The following PEX26 variants were observed in gnomAD, a reference collection of about 807,000 sequenced individuals.
PEX26 encodes peroxisome assembly protein 26.
PEX26 carries 18 observed loss-of-function variants against 31.4 expected under a neutral mutation model. That is an observed-to-expected ratio of 0.57 (90% CI 0.40 to 0.85). The LOEUF (loss-of-function observed/expected upper bound fraction) is 0.85, where lower values mean the gene tolerates loss of function less well. PEX26 is among the 40% of genes least tolerant of loss of function. PEX26 has a pLI of 0.00. For synonymous variants in PEX26, 176 were observed against 166.9 expected, an observed-to-expected ratio of 1.05 and a Z score of -0.42; for missense variants, 377 against 383.9, an observed-to-expected ratio of 0.98 and a Z score of 0.15.
chr22:18,078,964 C>T, intron 1 of PEX26: 1 of 406,102 alleles, frequency 2.5e-6, no homozygotes, highest in East Asian at 6.1e-5. Context: ...GTTGTTTATT[C>T]CTGACCTTGG....
At chr22:18,082,076 T>C (rs79973532) in intron 2 of PEX26, among the ~76,000 whole-genome samples, 45 of 145,108 alleles carry the variant, frequency 3.1e-4, no homozygotes, top group Admixed American at 4.1e-4. Context: ...TTTTTTTTTT[T>C]TTCTGCTGTT....
In PEX26 at chr22:18,078,166, T is replaced by C. The variant is rs754430927; in HGVS notation, c.-211T>C. 4.3e-6 allele frequency: 3 copies of C among 695,662 alleles called. No homozygotes were observed. The South Asian group carries it at 4.5e-5, about 10-fold the overall frequency. The allele number at this position is 695,662 out of a possible 1,614,324, so 43.1% of individuals were successfully genotyped here. ...GCAAGAATCCTGCAAATCTGACGTG[T>C]AAACTGCTTCCCCAGCCTCCAGGCG... On this transcript the variant is annotated 5_prime_UTR_variant, in exon 1 of 5. The change abolishes the stop of an existing upstream ORF in the 5' untranslated region. Coordinates refer to ENST00000399744, the MANE Select transcript of PEX26 (RefSeq NM_001127649.3).
Position 18,093,258 on chromosome 22 carries a change from TTTAAA to T in PEX26, c.*5189_*5193del, listed in dbSNP as rs1163337850. On this transcript the variant is annotated 3_prime_UTR_variant, in exon 5 of 5. Transcript: ENST00000399744. ...TCATGTTCACTTCAACCCCATTTCA[TTTAAA>T]TTAAAGAAAAAAACCTGGCCGGGCG... 2.0e-5 allele frequency: 3 copies of T among 152,134 alleles called. No individual in the cohort carries two copies. The highest frequency in any genetic ancestry group is 4.4e-5 in the Non-Finnish European group (3 of 68,020). The allele number at this position is 152,134 out of a possible 1,614,324, so 9.4% of individuals were successfully genotyped here.
rs575021297 is a variant in PEX26, at chr22:18,103,047, C to T, written c.*14972C>T. On this transcript the variant is annotated 3_prime_UTR_variant, in exon 5 of 5. Transcript: ENST00000399744. ...TGGCAGTGAGCCGAGATCGTGCGAT[C>T]GTGCTATTGCACTCCAGCCTGGGCG... 1.5e-5 allele frequency: 2 copies of T among 134,592 alleles called. No homozygotes were observed. Among genetic ancestry groups the T allele is most frequent in the South Asian group, 2.4e-4 (1 of 4,148 alleles). The allele number at this position is 134,592 out of a possible 1,614,324, so 8.3% of individuals were successfully genotyped here. A position where few individuals can be genotyped will look rare whatever the true frequency, so the allele number is the denominator to read the frequency against.
rs1282811316 is a variant in PEX26 at position 18,078,271 on chromosome 22, A to T, written c.-106A>T. On this transcript the variant is annotated 5_prime_UTR_variant, in exon 1 of 5. The change abolishes an upstream ATG in the 5' untranslated region. Coordinates refer to ENST00000399744, the MANE Select transcript of PEX26 (RefSeq NM_001127649.3). ...CTCGGGAAGGGGTGTGGGCAAAGAG[A>T]TGAGGACTCTCCCTCTTCGCCCAGG... The T allele has an allele frequency of 4.9e-6, 4 of 817,252 alleles. No individual in the cohort carries two copies. The highest frequency in any genetic ancestry group is 8.2e-6 in the Non-Finnish European group (4 of 488,986). The allele number at this position is 817,252 out of a possible 1,614,324, so 50.6% of individuals were successfully genotyped here.
chr22:18,078,467 CG>C lies in PEX26; in HGVS notation c.94del (p.Ala32ArgfsTer50). Reference protein sequence around the residue: ...SSEPVRAVPARAPAVDLLEEA... With the variant: ...SSEPVRAVPAXAPAVDLLEEA... ...CGAGCCGGTGCGCGCGGTCCCGGCC[CG>C]GGCGCCGGCCGTGGACCTTCTGGAG... On this transcript the variant is annotated frameshift_variant, in exon 1 of 5. Coordinates refer to ENST00000399744, the MANE Select transcript of PEX26 (RefSeq NM_001127649.3). LOFTEE classifies it high-confidence loss of function. The C allele has an allele frequency of 1.3e-6, 2 of 1,575,360 alleles. No homozygotes were observed. Among genetic ancestry groups the C allele is most frequent in the Non-Finnish European group, 1.7e-6 (2 of 1,163,150 alleles).
In PEX26 at chr22:18,099,517, A is replaced by G; in HGVS notation, c.*11442A>G. The G allele has an allele frequency of 6.6e-6, 1 of 152,248 alleles. No homozygotes were observed. Among genetic ancestry groups the G allele is most frequent in the South Asian group, 2.1e-4 (1 of 4,834 alleles). 9.4% of individuals were successfully genotyped at this position (152,248 alleles called of 1,614,324 possible). On this transcript the variant is annotated 3_prime_UTR_variant, in exon 5 of 5. Transcript: ENST00000399744. ...ACATTCATATGTGCTTATTTTAAGC[A>G]TATATCTACCAATTTGAGTTTGGCA...
chr22:18,098,712 A>C lies in PEX26; in HGVS notation c.*10637A>C, dbSNP rs1032077190. On this transcript the variant is annotated 3_prime_UTR_variant, in exon 5 of 5. Transcript: ENST00000399744. ...TGTGTAAAATGAGTAAAAGTCTATA[A>C]GAAAAACTTTGAAAAGTATTAAGTA... 6.6e-6 allele frequency: 1 copy of C among 152,012 alleles called. No homozygotes were observed. The highest frequency in any genetic ancestry group is 1.5e-5 in the Non-Finnish European group (1 of 68,020). The allele number at this position is 152,012 out of a possible 1,614,324, so 9.4% of individuals were successfully genotyped here.
Position 18,104,392 on chromosome 22 carries a change from G to A in PEX26, c.*16317G>A, listed in dbSNP as rs1424062812. The A allele has an allele frequency of 6.6e-6, 1 of 152,116 alleles. No individual in the cohort carries two copies. The highest frequency in any genetic ancestry group is 2.4e-5 in the African/African-American group (1 of 41,358). The allele number at this position is 152,116 out of a possible 1,614,324, so 9.4% of individuals were successfully genotyped here. On this transcript the variant is annotated 3_prime_UTR_variant, in exon 5 of 5. Transcript: ENST00000399744. ...ATTTTTGTATTTTTAGTAGAGACGG[G>A]GTTTCTCCATGTTGGTCTGGCTGGT...
rs1927425133 is a variant in PEX26, at chr22:18,100,629, A to T, written c.*12554A>T. ...GGTACACATTGGGAATTGAACAGCT[A>T]TGTTTTTTCTTCTTTCTAGAGATGT... On this transcript the variant is annotated 3_prime_UTR_variant, in exon 5 of 5. Transcript: ENST00000399744. 6.6e-6 allele frequency: 1 copy of T among 152,182 alleles called. No homozygotes were observed. The highest frequency in any genetic ancestry group is 2.4e-5 in the African/African-American group (1 of 41,448). The allele number at this position is 152,182 out of a possible 1,614,324, so 9.4% of individuals were successfully genotyped here.
At chr22:18,084,721 CTCTT>C (rs1189316448) in intron 3 of PEX26, among the ~76,000 whole-genome samples, 2 of 150,854 alleles carry the variant, frequency 1.3e-5, no homozygotes, top group African/African-American at 4.9e-5. Flanking sequence ...TTTTACTAAA[CTCTT>C]TTTTTTTTTT....
chr22:18,086,539 C>T (rs778746825), intron 4 of PEX26, among the ~76,000 whole-genome samples: 7 of 152,114 alleles, frequency 4.6e-5, no homozygotes, highest in Admixed American at 6.6e-5. Flanking sequence ...TTTTCTGCCT[C>T]GCTGTGAAGA....
rs549812558 is a variant in PEX26, at chr22:18,100,985, A to T, written c.*12910A>T. On this transcript the variant is annotated 3_prime_UTR_variant, in exon 5 of 5. Coordinates refer to ENST00000399744, the MANE Select transcript of PEX26 (RefSeq NM_001127649.3). ...ATACAACAGGAATGAATGCCGACTTAGCATTTTTGCCTTCACAGCGCTGGC... is the reference window on the plus strand; with the variant it reads ...ATACAACAGGAATGAATGCCGACTTTGCATTTTTGCCTTCACAGCGCTGGC... 2.6e-5 allele frequency: 4 copies of T among 152,370 alleles called. No individual in the cohort carries two copies. The South Asian group carries it at 8.3e-4, about 32-fold the overall frequency. The allele number at this position is 152,370 out of a possible 1,614,324, so 9.4% of individuals were successfully genotyped here. A position where few individuals can be genotyped will look rare whatever the true frequency, so the allele number is the denominator to read the frequency against.
chr22:18,084,445 G>A (rs560247123), intron 3 of PEX26, among the ~76,000 whole-genome samples: 72 of 151,362 alleles, frequency 4.8e-4, no homozygotes, highest in South Asian at 4.2e-3. Context: ...GGGTTTCACC[G>A]TGTTAGCCAG....
In PEX26 at chr22:18,100,305, T is replaced by C. The variant is rs1283304129; in HGVS notation, c.*12230T>C. On this transcript the variant is annotated 3_prime_UTR_variant, in exon 5 of 5. Transcript: ENST00000399744. ...GGCCAGACTGGTCTCAAACTCCTGA[T>C]CTTGGGTGATCTGCCCTCCTCAGCC... 2 of 151,984 alleles carry C rather than the reference T, an allele frequency of 1.3e-5. No individual in the cohort carries two copies. Among genetic ancestry groups the C allele is most frequent in the Non-Finnish European group, 2.9e-5 (2 of 67,998 alleles). 9.4% of individuals were successfully genotyped at this position (151,984 alleles called of 1,614,324 possible). A position where few individuals can be genotyped will look rare whatever the true frequency, so the allele number is the denominator to read the frequency against.
chr22:18,078,120 A>C lies in PEX26; in HGVS notation c.-257A>C. Reference sequence around the variant, plus strand: ...CACGTGTCGCGGGGCCGGAGAAGCTAGGGCCAGGTATTCCAGGGATGCAAG... The same window carrying C: ...CACGTGTCGCGGGGCCGGAGAAGCTCGGGCCAGGTATTCCAGGGATGCAAG... On this transcript the variant is annotated 5_prime_UTR_variant, in exon 1 of 5. It removes the in-frame stop codon of an upstream open reading frame in the 5' UTR. Transcript: ENST00000399744. 3.1e-6 allele frequency: 2 copies of C among 639,302 alleles called. No individual in the cohort carries two copies. The highest frequency in any genetic ancestry group is 5.8e-6 in the Non-Finnish European group (2 of 345,066). 39.6% of individuals were successfully genotyped at this position (639,302 alleles called of 1,614,324 possible). A position where few individuals can be genotyped will look rare whatever the true frequency, so the allele number is the denominator to read the frequency against.
Position 18,100,651 on chromosome 22 carries a change from A to T in PEX26, c.*12576A>T, listed in dbSNP as rs1927425575. 6.6e-6 allele frequency: 1 copy of T among 152,218 alleles called. No homozygotes were observed. The highest frequency in any genetic ancestry group is 1.5e-5 in the Non-Finnish European group (1 of 68,042). 9.4% of individuals were successfully genotyped at this position (152,218 alleles called of 1,614,324 possible). On this transcript the variant is annotated 3_prime_UTR_variant, in exon 5 of 5. Transcript: ENST00000399744. The stretch of plus-strand genomic sequence containing the variant: ...GCTATGTTTTTTCTTCTTTCTAGAG[A>T]TGTGACATACATATTTTCTGGTCAG...
In PEX26 at chr22:18,088,103, C is replaced by A; in HGVS notation, c.*28C>A. 1 of 1,424,622 alleles carries A rather than the reference C, an allele frequency of 7.0e-7. No homozygotes were observed. The allele number at this position is 1,424,622 out of a possible 1,614,324, so 88.2% of individuals were successfully genotyped here. A position where few individuals can be genotyped will look rare whatever the true frequency, so the allele number is the denominator to read the frequency against. ...GTCCCTGCGCACCACAGCCTCTCTG[C>A]TCCTCACGTCCGTGGCCACAGAAGC... On this transcript the variant is annotated 3_prime_UTR_variant, in exon 5 of 5. Coordinates refer to ENST00000399744, the MANE Select transcript of PEX26 (RefSeq NM_001127649.3). This position sits in a 1 kb window ranked among gnomAD's most constrained non-coding sequence, Gnocchi z 4.1.
Position 18,083,652 on chromosome 22 carries a change from T to A in PEX26, c.587T>A (p.Leu196His), listed in dbSNP as rs1926714377. The A allele has an allele frequency of 6.2e-7, 1 of 1,614,008 alleles. No homozygotes were observed. The highest frequency in any genetic ancestry group is 1.3e-5 in the African/African-American group (1 of 74,902). ...GGTGAGGAGCGGCGACTGGATGTAC[T>A]TCAGGCCATTCACACAGCGAGGCAG... ...AFGEERRLDV[L>H]QAIHTARQQQ... The change falls in exon 3 of 5, where the codon CTT becomes CAT. Residue 196 changes from leucine to histidine, a missense_variant. Transcript: ENST00000399744.
Sources: gnomAD v4.1 joint callset for allele counts (sites outside exome capture counted in the v4.1 genomes callset) on GRCh38, gnomAD v4.1.1 for gene constraint, Gnocchi (gnomAD v3.1) non-coding constraint, MANE v1.5 for transcripts, NCBI Gene and HGNC (gene_info 2026-07-23, HGNC 2026-07-21) for gene names.